The following GALM variants were observed in gnomAD, a reference collection of about 807,000 sequenced individuals.
GALM encodes galactose mutarotase.
In GALM, 43 loss-of-function variants were observed where a neutral mutation model predicts 37.4. The ratio of observed to expected loss-of-function variants is 1.15; its 90% confidence interval spans 0.90 to 1.48. The LOEUF (loss-of-function observed/expected upper bound fraction) is 1.48, where lower values mean the gene tolerates loss of function less well. Ranked by LOEUF, GALM falls within the 40% of genes most tolerant of loss-of-function variation. GALM has a pLI of 0.00. For missense variants in GALM, 456 were observed against 419.1 expected, an observed-to-expected ratio of 1.09 and a Z score of -0.77; for synonymous variants, 199 against 170.6, an observed-to-expected ratio of 1.17 and a Z score of -1.30.
chr2:38,718,537 A>G (rs1666314394), intron 4 of GALM, among the ~76,000 whole-genome samples: 1 of 151,818 alleles, frequency 6.6e-6, no homozygotes, highest in Admixed American at 6.6e-5. Context: ...ATTATTGGAG[A>G]AAATTTCTTT....
At chr2:38,729,502 A>T in intron 4 of GALM, 54 bp from the exon 5 acceptor site, 1 of 1,564,808 alleles carries the variant, frequency 6.4e-7, no homozygotes, top group Non-Finnish European at 8.7e-7. Context: ...GAGGCTCTAT[A>T]TAAAGATGAG....
intron 1 of GALM, among the ~76,000 whole-genome samples, chr2:38,672,266 T>G (rs1321639181): frequency 2.0e-5 from 3 of 152,212 alleles, no homozygotes; most frequent in Non-Finnish European, 4.4e-5. Flanking sequence ...AAAGTAGGAC[T>G]CAAAAATCTC....
intron 4 of GALM, among the ~76,000 whole-genome samples, chr2:38,714,844 TAA>T (rs1666238609): frequency 6.6e-6 from 1 of 152,228 alleles, no homozygotes; most frequent in South Asian, 2.1e-4. Context: ...GCATTGGAAA[TAA>T]AAGAGTAAGA....
chr2:38,686,946 GT>G (rs1387137241), intron 3 of GALM, among the ~76,000 whole-genome samples: 8 of 152,126 alleles, frequency 5.3e-5, no homozygotes, highest in African/African-American at 1.7e-4. Flanking sequence ...AGGTGCTTTG[GT>G]CCACCTGGGT....
intron 3 of GALM, 70 bp from the exon 4 acceptor site, chr2:38,689,743 A>T: frequency 1.1e-6 from 1 of 914,604 alleles, no homozygotes; most frequent in Non-Finnish European, 1.7e-6. Flanking sequence ...CATTTTTGCA[A>T]GATAAGTTAA....
intron 4 of GALM, among the ~76,000 whole-genome samples, chr2:38,715,460 CAG>C (rs1666251489): frequency 6.6e-6 from 1 of 152,142 alleles, no homozygotes; most frequent in South Asian, 2.1e-4. Flanking sequence ...GTTTTGGAGA[CAG>C]GGCCTTGCTG....
chr2:38,710,039 C>A (rs1180401248), intron 4 of GALM, among the ~76,000 whole-genome samples: 1 of 152,210 alleles, frequency 6.6e-6, no homozygotes, highest in Non-Finnish European at 1.5e-5. Flanking sequence ...CCTGCTGCCC[C>A]AGTGTCCCTC....
chr2:38,680,153 G>A (rs1207072706), intron 2 of GALM: 7 of 421,426 alleles, frequency 1.7e-5, no homozygotes, highest in Non-Finnish European at 3.3e-5. Flanking sequence ...CGAGTAGCTA[G>A]GACTACAGGT....
At chr2:38,683,326 G>A (rs543194567) in intron 3 of GALM, among the ~76,000 whole-genome samples, 24 of 152,192 alleles carry the variant, frequency 1.6e-4, no homozygotes, top group African/African-American at 4.3e-4. Context: ...ACCCAAAAGC[G>A]CGGTCAATGA....
intron 5 of GALM, among the ~76,000 whole-genome samples, chr2:38,730,353 G>A (rs879612279): frequency 6.6e-5 from 10 of 152,112 alleles, no homozygotes; most frequent in South Asian, 4.1e-4. Context: ...TGCAACCTCC[G>A]CCTCCCGGGT....
Position 38,676,057 on chromosome 2 carries a change from G to A in GALM, c.336G>A (p.Gly112=). 1 of 1,614,034 alleles carries A rather than the reference G, an allele frequency of 6.2e-7. No homozygotes were observed. The highest frequency in any genetic ancestry group is 8.5e-7 in the Non-Finnish European group (1 of 1,179,998). ...EPNSLHGGVR[G]FDKVLWTPRV... ...ACAGTCTGCATGGAGGAGTCAGAGGGTTTGATAAAGTAAGTACGGCACATG... is the reference window on the plus strand; with the variant it reads ...ACAGTCTGCATGGAGGAGTCAGAGGATTTGATAAAGTAAGTACGGCACATG... The change falls in exon 2 of 7, where the codon GGG becomes GGA. Residue 112 remains glycine (G), a synonymous_variant. Coordinates refer to ENST00000272252, the MANE Select transcript of GALM (RefSeq NM_138801.3).
rs190023545 is a variant in GALM at position 38,673,797 on chromosome 2, G to A, written c.191-2115G>A. ...TGTACTCCAGCCTGGGCGACAGAGCGAGACTCCGTCTCAAAAAAAAAAAAA... is the reference window on the plus strand; with the variant it reads ...TGTACTCCAGCCTGGGCGACAGAGCAAGACTCCGTCTCAAAAAAAAAAAAA... On this transcript the variant is annotated intron_variant, in intron 1 of 6. Transcript: ENST00000272252. Among the ~76,000 whole-genome samples, 477 of 137,526 alleles carry A rather than the reference G, an allele frequency of 3.5e-3. 3 individuals carry two copies. Among genetic ancestry groups the A allele is most frequent in the African/African-American group, 0.013 (459 of 35,790 alleles). The allele number at this position is 137,526 out of a possible 152,430, so 90.2% of individuals were successfully genotyped here.
chr2:38,685,849 C>G (rs1665504028), intron 3 of GALM, among the ~76,000 whole-genome samples: 1 of 152,018 alleles, frequency 6.6e-6, no homozygotes, highest in African/African-American at 2.4e-5. Flanking sequence ...TCTGGAGTAG[C>G]TGGGATTACA....
At chr2:38,684,932 A>G (rs1665486658) in intron 3 of GALM, among the ~76,000 whole-genome samples, 1 of 152,220 alleles carries the variant, frequency 6.6e-6, no homozygotes, top group Non-Finnish European at 1.5e-5. Context: ...TAGACATGTC[A>G]TTAAGGACCC....
At chr2:38,704,917 T>C (rs1195623757) in intron 4 of GALM, among the ~76,000 whole-genome samples, 2 of 152,190 alleles carry the variant, frequency 1.3e-5, no homozygotes, top group African/African-American at 4.8e-5. Context: ...CAAGATCATT[T>C]TTATGAGCCT....
chr2:38,681,325 C>A lies in GALM; in HGVS notation c.391C>A (p.Arg131Ser), dbSNP rs200877275. 14 of 1,613,898 alleles carry A rather than the reference C, an allele frequency of 8.7e-6. No homozygotes were observed. Among genetic ancestry groups the A allele is most frequent in the Middle Eastern group, 1.7e-4 (1 of 5,834 alleles). Residue 131 changes from arginine (R) to serine (S), a missense_variant, in exon 3 of 7, where the codon CGC becomes AGC. By Grantham distance (110) the Arg-to-Ser change is moderately radical (BLOSUM62 -1). Coordinates refer to ENST00000272252, the MANE Select transcript of GALM (RefSeq NM_138801.3). ...GCTGTCAAATGGCGTCCAGTTCTCGCGCATCAGTCCAGATGGTGAAGAAGG... is the reference window on the plus strand; with the variant it reads ...GCTGTCAAATGGCGTCCAGTTCTCGAGCATCAGTCCAGATGGTGAAGAAGG... Reference protein sequence around the residue: ...RVLSNGVQFSRISPDGEEGYP... With the variant: ...RVLSNGVQFSSISPDGEEGYP...
intron 4 of GALM, among the ~76,000 whole-genome samples, chr2:38,705,639 C>T (rs1666020464): frequency 6.6e-6 from 1 of 152,046 alleles, no homozygotes; most frequent in South Asian, 2.1e-4. Flanking sequence ...AGCCAATAAG[C>T]CAAAGAGACA....
chr2:38,713,156 C>T (rs1445396297), intron 4 of GALM, among the ~76,000 whole-genome samples: 1 of 152,130 alleles, frequency 6.6e-6, no homozygotes, highest in Non-Finnish European at 1.5e-5. Context: ...CCTAATCACA[C>T]CATTGTCACC....
At chr2:38,688,499 G>A (rs918711884) in intron 3 of GALM, among the ~76,000 whole-genome samples, 2 of 150,530 alleles carry the variant, frequency 1.3e-5, no homozygotes, top group Admixed American at 6.6e-5. Context: ...CAACAAGAGC[G>A]AAACTCGGTC....
Sources: allele counts gnomAD v4.1 joint callset (sites outside exome capture counted in the v4.1 genomes callset), GRCh38; gene constraint gnomAD v4.1.1; transcripts MANE v1.5; gene names NCBI Gene and HGNC (gene_info 2026-07-23, HGNC 2026-07-21).